Variants in ZNF560 observed in about 807,000 individuals in gnomAD.
ZNF560 encodes zinc finger protein 560.
A neutral mutation model predicts 81.8 loss-of-function variants in ZNF560; 54 were observed. That is an observed-to-expected ratio of 0.66 (90% confidence interval 0.53 to 0.83). The LOEUF (loss-of-function observed/expected upper bound fraction) is 0.83. Among genes scored for constraint, ZNF560 ranks in the 40% least tolerant of loss-of-function variants. The pLI, the probability that ZNF560 is intolerant of heterozygous loss-of-function variation, is 0.00. For synonymous variants in ZNF560, 321 were observed against 317.9 expected, an observed-to-expected ratio of 1.01 and a Z score of -0.10; for missense variants, 940 against 932.4, an observed-to-expected ratio of 1.01 and a Z score of -0.11.
intron 2 of ZNF560, among the ~76,000 whole-genome samples, chr19:9,484,214 G>A (rs2073349317): frequency 6.6e-6 from 1 of 151,636 alleles, no homozygotes; most frequent in Non-Finnish European, 1.5e-5. Flanking sequence ...TTGCTTATCT[G>A]CTGACCTTCC....
the ZNF560 span, among the ~76,000 whole-genome samples, chr19:9,458,359 G>A: frequency 2.0e-5 from 3 of 152,210 alleles, no homozygotes; most frequent in Admixed American, 2.0e-4. Flanking sequence ...CTTCGCAGAT[G>A]GGTCTAGTAA....
chr19:9,460,670 C>G, the ZNF560 span, among the ~76,000 whole-genome samples: 2 of 152,234 alleles, frequency 1.3e-5, no homozygotes, highest in East Asian at 3.9e-4. Context: ...AATGCCTGGA[C>G]GTAATCACTC....
downstream of ZNF560, among the ~76,000 whole-genome samples, chr19:9,465,534 T>C (rs138081996): frequency 1.3e-3 from 191 of 152,272 alleles, no homozygotes; most frequent in African/African-American, 4.4e-3. Flanking sequence ...GCCTTTAACT[T>C]TATGGAGCAT....
chr19:9,451,008 G>A, the ZNF560 span, among the ~76,000 whole-genome samples: 20 of 152,106 alleles, frequency 1.3e-4, no homozygotes, highest in South Asian at 8.3e-4. Context: ...CCATGGTCAT[G>A]GACAGGAAGA....
At chr19:9,463,117 TAA>T (rs1353333636), downstream of ZNF560, among the ~76,000 whole-genome samples, 3 of 152,212 alleles carry the variant, frequency 2.0e-5, no homozygotes, top group African/African-American at 7.2e-5. Flanking sequence ...GGTTACAAGT[TAA>T]GTCAGTTACA....
In ZNF560 at chr19:9,470,436, T is replaced by A. The variant is rs753384304; in HGVS notation, c.404A>T (p.Tyr135Phe). 1.9e-6 allele frequency: 3 copies of A among 1,614,054 alleles called. No homozygotes were observed. The highest frequency in any genetic ancestry group is 2.5e-6 in the Non-Finnish European group (3 of 1,179,950). ...GTAGTTCTCCAGCATCACATCACTGTACAGGTTTCTCTGAGCTGGGTCCAG... is the reference window on the plus strand; with the variant it reads ...GTAGTTCTCCAGCATCACATCACTGAACAGGTTTCTCTGAGCTGGGTCCAG... Reference protein sequence around the residue: ...TLLDPAQRNLYSDVMLENYKN... With the variant: ...TLLDPAQRNLFSDVMLENYKN... The change falls in exon 7 of 10, where the codon TAC becomes TTC. Residue 135 changes from tyrosine to phenylalanine, a missense_variant. Physicochemically the swap from Tyr to Phe is conservative, Grantham distance 22. Transcript: ENST00000301480.
At chr19:9,480,201 C>G (rs188571635) in intron 2 of ZNF560, among the ~76,000 whole-genome samples, 3 of 152,142 alleles carry the variant, frequency 2.0e-5, no homozygotes, top group Admixed American at 2.0e-4. Context: ...GAACATTATC[C>G]AAGATAGATC....
At chr19:9,461,029 G>A in the ZNF560 span, among the ~76,000 whole-genome samples, 1 of 152,200 alleles carries the variant, frequency 6.6e-6, no homozygotes, top group Non-Finnish European at 1.5e-5. Context: ...TGACGGTATA[G>A]TGGCACCTCA....
intron 2 of ZNF560, among the ~76,000 whole-genome samples, chr19:9,476,324 GCT>G (rs2073201944): frequency 1.3e-5 from 2 of 151,894 alleles, no homozygotes; most frequent in African/African-American, 4.8e-5. Context: ...ACAGAGTCTT[GCT>G]CTGTCACCCA....
intron 8 of ZNF560, 139 bp from the exon 9 acceptor site, chr19:9,469,326 C>G: frequency 1.5e-6 from 1 of 676,682 alleles, no homozygotes; most frequent in Non-Finnish European, 2.5e-6. Flanking sequence ...ATTTTTAAAA[C>G]AACTTATTCT....
the ZNF560 span, among the ~76,000 whole-genome samples, chr19:9,449,403 G>T: frequency 2.0e-4 from 30 of 152,126 alleles, no homozygotes; most frequent in African/African-American, 7.2e-4. Context: ...AATGACTTTT[G>T]GGTAAACAGC....
chr19:9,461,411 TAC>T (rs2072929727), downstream of ZNF560, among the ~76,000 whole-genome samples: 1 of 152,180 alleles, frequency 6.6e-6, no homozygotes, highest in Non-Finnish European at 1.5e-5. Context: ...TCTCCCTCTG[TAC>T]ATATTATTAC....
chr19:9,498,965 C>T (rs1384213655), upstream of ZNF560, among the ~76,000 whole-genome samples: 1 of 152,140 alleles, frequency 6.6e-6, no homozygotes. Flanking sequence ...GTTCCTGGAC[C>T]CCTTTCAGGA....
intron 2 of ZNF560, among the ~76,000 whole-genome samples, chr19:9,480,106 C>T (rs2144705231): frequency 6.6e-6 from 1 of 152,276 alleles, no homozygotes; most frequent in East Asian, 1.9e-4. Flanking sequence ...ACTAGAACTA[C>T]ACTTTAGACC....
chr19:9,484,733 A>G (rs1045154252), intron 2 of ZNF560, among the ~76,000 whole-genome samples: 4 of 151,894 alleles, frequency 2.6e-5, no homozygotes, highest in African/African-American at 9.7e-5. Context: ...CAGTGAGCTG[A>G]GATCGCACCA....
downstream of ZNF560, among the ~76,000 whole-genome samples, chr19:9,461,979 T>G (rs2072939310): frequency 6.6e-6 from 1 of 152,218 alleles, no homozygotes; most frequent in South Asian, 2.1e-4. Context: ...GCTCTGTGAT[T>G]TCTATGATGG....
At chr19:9,497,951 T>C (rs2073588721) in intron 2 of ZNF560, among the ~76,000 whole-genome samples, 177 bp downstream of exon 2, 2 of 152,180 alleles carry the variant, frequency 1.3e-5, no homozygotes, top group Non-Finnish European at 2.9e-5. Context: ...TATATGCACA[T>C]GCAGAAATAC....
chr19:9,451,892 T>C, the ZNF560 span, among the ~76,000 whole-genome samples: 1 of 152,078 alleles, frequency 6.6e-6, no homozygotes, highest in East Asian at 1.9e-4. Flanking sequence ...CTGGCCAGCA[T>C]GGTGAAACCC....
chr19:9,470,408 C>T lies in ZNF560; in HGVS notation c.432G>A (p.Lys144=). Residue 144 remains lysine, a synonymous_variant, in exon 7 of 10, where the codon AAG becomes AAA. Coordinates refer to ENST00000301480, the MANE Select transcript of ZNF560 (RefSeq NM_152476.3). Reference sequence around the variant, plus strand: ...CAGACTTACCTACTGAGGACAGGTTCTTGTAGTTCTCCAGCATCACATCAC... The same window carrying T: ...CAGACTTACCTACTGAGGACAGGTTTTTGTAGTTCTCCAGCATCACATCAC... ...LYSDVMLENY[K]NLSSVGYQLF... 6.2e-7 allele frequency: 1 copy of T among 1,612,838 alleles called. No individual in the cohort carries two copies. Among genetic ancestry groups the T allele is most frequent in the Non-Finnish European group, 8.5e-7 (1 of 1,179,366 alleles).
Sources: gnomAD v4.1 joint callset for allele counts (sites outside exome capture counted in the v4.1 genomes callset) on GRCh38, gnomAD v4.1.1 for gene constraint, MANE v1.5 for transcripts, NCBI Gene and HGNC (gene_info 2026-07-23, HGNC 2026-07-21) for gene names.